The following HM13 variants were observed in gnomAD, a reference collection of about 807,000 sequenced individuals.
HM13 encodes histocompatibility minor 13.
In HM13, 18 loss-of-function variants were observed where a neutral mutation model predicts 50.0. That is an observed-to-expected ratio of 0.36 (90% CI 0.25 to 0.53). HM13 has a LOEUF of 0.53. Among genes scored for constraint, HM13 ranks in the 20% least tolerant of loss-of-function variants. The pLI is 0.90. For missense variants in HM13, 393 were observed against 552.4 expected (o/e 0.71, Z 2.89); for synonymous variants, 197 against 232.6 (o/e 0.85, Z 1.39).
intron 1 of HM13, among the ~76,000 whole-genome samples, chr20:31,521,381 G>A (rs1460460822): frequency 6.6e-6 from 1 of 152,140 alleles, no homozygotes; most frequent in African/African-American, 2.4e-5. Flanking sequence ...CACTAAGCAA[G>A]TTACTTCACC....
At chr20:31,527,182 A>G (rs1421287672) in intron 1 of HM13, among the ~76,000 whole-genome samples, 1 of 152,198 alleles carries the variant, frequency 6.6e-6, no homozygotes, top group African/African-American at 2.4e-5. Flanking sequence ...TGCTAAAAAT[A>G]CAAAAATTAG....
At chr20:31,527,337 CA>C (rs34469982) in intron 1 of HM13, 146 bp from the exon 2 acceptor site, 142,344 of 488,656 alleles carry the variant, frequency 0.29, 12,309 homozygotes, top group African/African-American at 0.67. Context: ...GACTCCATCT[CA>C]AAAAAAAAAA....
At chr20:31,560,319 A>G (rs1310812259) in intron 9 of HM13, among the ~76,000 whole-genome samples, 1 of 152,236 alleles carries the variant, frequency 6.6e-6, no homozygotes, top group Non-Finnish European at 1.5e-5. Context: ...AGGGCTGGCA[A>G]TGTTGCACTT....
At chr20:31,568,903 C>A (rs576693692) in intron 12 of HM13, among the ~76,000 whole-genome samples, 2 of 152,290 alleles carry the variant, frequency 1.3e-5, no homozygotes, top group East Asian at 1.9e-4. Flanking sequence ...CTCCTGGTAC[C>A]CCCAGGCTCA....
At position 31,545,050 on chromosome 20, in the gene HM13, C is replaced by T; in HGVS notation, c.454+15C>T. ...AAACAAGGAAGGTCAGTGCTAACCA[C>T]TTTCCCCTGTAGTGTGCCTTGGGTG... On this transcript the variant is annotated intron_variant, in intron 4 of 12. Transcript: ENST00000398174. 6.2e-7 allele frequency: 1 copy of T among 1,601,672 alleles called. No individual in the cohort carries two copies. Among genetic ancestry groups the T allele is most frequent in the East Asian group, 2.2e-5 (1 of 44,822 alleles).
intron 1 of HM13, among the ~76,000 whole-genome samples, chr20:31,523,004 T>G (rs1389025983): frequency 6.7e-6 from 1 of 149,132 alleles, no homozygotes; most frequent in Non-Finnish European, 1.5e-5. Flanking sequence ...TTGCATCATG[T>G]GTCACACTAC....
chr20:31,530,732 C>T (rs966685266), intron 2 of HM13, among the ~76,000 whole-genome samples: 1 of 152,104 alleles, frequency 6.6e-6, no homozygotes, highest in African/African-American at 2.4e-5. Flanking sequence ...TTAACAGCTG[C>T]TCATGGTTCT....
intron 10 of HM13, among the ~76,000 whole-genome samples, chr20:31,562,104 T>C (rs909755428): frequency 5.3e-5 from 8 of 152,194 alleles, no homozygotes; most frequent in African/African-American, 1.9e-4. Context: ...GCCTTGGTAG[T>C]GGGAAGCAGG....
intron 1 of HM13, among the ~76,000 whole-genome samples, chr20:31,516,731 C>G (rs1981805648): frequency 1.3e-5 from 2 of 152,140 alleles, no homozygotes; most frequent in South Asian, 4.1e-4. Flanking sequence ...CTCTGAATAC[C>G]TCTCCCAAGC....
chr20:31,558,168 T>TTTTC (rs1359324335), intron 8 of HM13, among the ~76,000 whole-genome samples: 2 of 152,186 alleles, frequency 1.3e-5, no homozygotes, highest in Non-Finnish European at 2.9e-5. Flanking sequence ...TCTTTTTCTT[T>TTTTC]TTTCTTTTTT....
At position 31,538,182 on chromosome 20, in the gene HM13, T is replaced by C. The variant is rs774176148; in HGVS notation, c.286T>C (p.Phe96Leu). Residue 96 changes from phenylalanine to leucine, a missense_variant, in exon 3 of 13, where the codon TTC becomes CTC. Coordinates refer to ENST00000398174, the MANE Select transcript of HM13 (RefSeq NM_178581.3). ...LLGLYLFFKI[F>L]SQEYINLLLS... ...TCTCTTTGTATTTCTGCCTCAGATA[T>C]TCTCCCAGGAGTACATCAACCTCCT... is the stretch of plus-strand genomic sequence containing the variant. 2.5e-6 allele frequency: 4 copies of C among 1,613,748 alleles called. No individual in the cohort carries two copies. Among genetic ancestry groups the C allele is most frequent in the African/African-American group, 1.3e-5 (1 of 74,912 alleles).
intron 2 of HM13, 140 bp from the exon 3 acceptor site, chr20:31,538,039 A>T: frequency 1.2e-6 from 1 of 846,242 alleles, no homozygotes; most frequent in Non-Finnish European, 1.8e-6. Flanking sequence ...GAATGCCACT[A>T]GTATTGTCTG....
At chr20:31,539,488 C>T in intron 3 of HM13, 6 of 985,454 alleles carry the variant, frequency 6.1e-6, no homozygotes, top group Non-Finnish European at 7.2e-6. Context: ...GCAGAATCTG[C>T]TCCCAAAAGC....
intron 1 of HM13, among the ~76,000 whole-genome samples, chr20:31,518,187 C>T (rs1471607902): frequency 1.3e-5 from 2 of 151,780 alleles, no homozygotes; most frequent in East Asian, 3.9e-4. Flanking sequence ...AGGCTGGCAC[C>T]ACCACGCCTG....
In HM13 at chr20:31,550,043, GCT is replaced by G. The variant is rs1354066350; in HGVS notation, c.667-18_667-17del. On this transcript the variant is annotated intron_variant, in intron 6 of 12. Transcript: ENST00000398174. ...ACAGCCCCTCACTTCCCTTCATACT[GCT>G]CTTTTTTTCTCCTTCTAGGTATTTG... 3 of 1,599,436 alleles carry G rather than the reference GCT, an allele frequency of 1.9e-6. No homozygotes were observed. Among genetic ancestry groups the G allele is most frequent in the Non-Finnish European group, 2.6e-6 (3 of 1,167,116 alleles).
At chr20:31,538,725 C>A in intron 3 of HM13, 1 of 828,218 alleles carries the variant, frequency 1.2e-6, no homozygotes, top group Non-Finnish European at 1.5e-6. Context: ...CCAGACTCTG[C>A]CACTTAATAG....
chr20:31,533,691 T>C (rs1489960983), intron 2 of HM13, among the ~76,000 whole-genome samples: 1 of 152,134 alleles, frequency 6.6e-6, no homozygotes, highest in Non-Finnish European at 1.5e-5. Flanking sequence ...AGATCCCCTT[T>C]TGCTTGTGTC....
chr20:31,532,620 G>A (rs1982885881), intron 2 of HM13, among the ~76,000 whole-genome samples: 1 of 151,776 alleles, frequency 6.6e-6, no homozygotes, highest in Admixed American at 6.6e-5. Flanking sequence ...CCTTAGATGT[G>A]TATGTTTCTT....
Position 31,548,069 on chromosome 20 carries a change from T to TG in HM13, c.455-954dup, listed in dbSNP as rs2122620476. On this transcript the variant is annotated intron_variant, in intron 4 of 12. Transcript: ENST00000398174. ...AAATGAGCCTCAGAAGGAATGCATT[T>TG]GGGGGGCTAAATGTGGATATTGATT... The TG allele has an allele frequency of 3.4e-6, 5 of 1,467,924 alleles. No homozygotes were observed. In the East Asian group the frequency reaches 6.8e-5, roughly 20 times the overall value. The allele number at this position is 1,467,924 out of a possible 1,614,324, so 90.9% of individuals were successfully genotyped here. A position where few individuals can be genotyped will look rare whatever the true frequency, so the allele number is the denominator to read the frequency against.
Sources: gnomAD v4.1 joint callset for allele counts (sites outside exome capture counted in the v4.1 genomes callset) on GRCh38, gnomAD v4.1.1 for gene constraint, MANE v1.5 for transcripts, NCBI Gene and HGNC (gene_info 2026-07-23, HGNC 2026-07-21) for gene names.